The following STAG1 variants were observed in gnomAD, a reference collection of about 807,000 sequenced individuals.
STAG1 encodes cohesin subunit SA-1.
A neutral mutation model predicts 170.9 loss-of-function variants in STAG1; 26 were observed. The ratio of observed to expected loss-of-function variants is 0.15; its 90% CI spans 0.11 to 0.21. The LOEUF is 0.21. Among genes scored for constraint, STAG1 ranks in the 10% least tolerant of loss-of-function variants. STAG1 has a pLI of 1.00. For missense variants in STAG1, 964 were observed against 1,509.5 expected (o/e 0.64, Z 5.99); for synonymous variants, 514 against 497.7 (o/e 1.03, Z -0.44).
At chr3:136,490,902 A>G (rs549941678) in intron 9 of STAG1, among the ~76,000 whole-genome samples, 78 of 152,080 alleles carry the variant, frequency 5.1e-4, no homozygotes, top group Non-Finnish European at 9.4e-4. Context: ...TGTTGTTGTT[A>G]TTCTTTTACC....
chr3:136,639,763 A>G (rs1576701260), intron 1 of STAG1, among the ~76,000 whole-genome samples: 1 of 152,330 alleles, frequency 6.6e-6, no homozygotes, highest in East Asian at 1.9e-4. Flanking sequence ...CATTGGCACT[A>G]CCACAGCCAT....
intron 24 of STAG1, 49 bp from the exon 25 acceptor site, chr3:136,367,131 T>G (rs1300502514): frequency 2.8e-6 from 4 of 1,434,250 alleles, no homozygotes; most frequent in Non-Finnish European, 3.8e-6. Context: ...TTTATCCACG[T>G]AAAACAATGC....
At chr3:136,427,949 G>A (rs2088181512) in intron 16 of STAG1, among the ~76,000 whole-genome samples, 1 of 152,170 alleles carries the variant, frequency 6.6e-6, no homozygotes, top group Non-Finnish European at 1.5e-5. Context: ...AAAATGTCAA[G>A]AGAAGAGGAA....
intron 22 of STAG1, among the ~76,000 whole-genome samples, chr3:136,383,994 G>A (rs1355112535): frequency 6.7e-6 from 1 of 149,914 alleles, no homozygotes; most frequent in Non-Finnish European, 1.5e-5. Flanking sequence ...CAGTCACAGA[G>A]ATGTTAAGCA....
chr3:136,429,907 G>GAACTC, intron 16 of STAG1, among the ~76,000 whole-genome samples: 1 of 151,900 alleles, frequency 6.6e-6, no homozygotes, highest in Non-Finnish European at 1.5e-5. Context: ...TTCTCCTCTA[G>GAACTC]CTTAATTTAT....
In STAG1 at chr3:136,468,391, A is replaced by T. The variant is rs185212790; in HGVS notation, c.1206-3403T>A. ...ATACTATAAACACCTCTACGCAAATAAACTAGAAAATCTGGAAGAAATGGA... is the reference window on the plus strand; with the variant it reads ...ATACTATAAACACCTCTACGCAAATTAACTAGAAAATCTGGAAGAAATGGA... On this transcript the variant is annotated intron_variant, in intron 12 of 33. Transcript: ENST00000383202. Among the ~76,000 whole-genome samples, 800 of 152,328 alleles carry T rather than the reference A, an allele frequency of 5.3e-3. 4 individuals carry two copies. Among genetic ancestry groups the T allele is most frequent in the Non-Finnish European group, 8.0e-3 (541 of 68,030 alleles).
At chr3:136,742,294 C>A (rs538883358) in intron 1 of STAG1, among the ~76,000 whole-genome samples, 1 of 152,234 alleles carries the variant, frequency 6.6e-6, no homozygotes, top group South Asian at 2.1e-4. Context: ...CAAGATGGAC[C>A]ATATGCTGGC....
chr3:136,719,026 G>A (rs1007453317), intron 1 of STAG1, among the ~76,000 whole-genome samples: 5 of 152,134 alleles, frequency 3.3e-5, no homozygotes, highest in Admixed American at 3.3e-4. Context: ...TTTACTACAT[G>A]ACCGAGCAAT....
intron 12 of STAG1, among the ~76,000 whole-genome samples, chr3:136,469,286 T>C (rs1465480094): frequency 6.6e-6 from 1 of 152,272 alleles, no homozygotes; most frequent in South Asian, 2.1e-4. Flanking sequence ...TTCAGCAAAG[T>C]CTCAGGATAC....
intron 1 of STAG1, among the ~76,000 whole-genome samples, chr3:136,676,607 A>G (rs1252084885): frequency 6.6e-6 from 1 of 152,058 alleles, no homozygotes; most frequent in Non-Finnish European, 1.5e-5. Flanking sequence ...CACCATACCC[A>G]GCTAATTTTT....
At chr3:136,353,812 G>A (rs1468898021) in intron 28 of STAG1, among the ~76,000 whole-genome samples, 1 of 152,166 alleles carries the variant, frequency 6.6e-6, no homozygotes, top group Admixed American at 6.5e-5. Context: ...TGCCAGTAAA[G>A]GTAATTTGTA....
At chr3:136,647,185 G>C (rs946984885) in intron 1 of STAG1, among the ~76,000 whole-genome samples, 4 of 152,082 alleles carry the variant, frequency 2.6e-5, no homozygotes, top group South Asian at 2.1e-4. Context: ...TGAGGTAATG[G>C]TGTTCAATAT....
intron 1 of STAG1, among the ~76,000 whole-genome samples, chr3:136,694,553 C>A (rs1185893168): frequency 6.6e-6 from 1 of 150,756 alleles, no homozygotes. Flanking sequence ...GAGGTTGGGG[C>A]TATAGTGAGC....
At chr3:136,551,858 G>GT (rs1272189313) in intron 5 of STAG1, among the ~76,000 whole-genome samples, 1 of 152,098 alleles carries the variant, frequency 6.6e-6, no homozygotes, top group Middle Eastern at 3.2e-3. Context: ...GCCTCCCAAA[G>GT]TGTTGGGATT....
At chr3:136,410,427 C>G (rs2087594733) in intron 21 of STAG1, among the ~76,000 whole-genome samples, 1 of 151,780 alleles carries the variant, frequency 6.6e-6, no homozygotes, top group African/African-American at 2.4e-5. Flanking sequence ...TGCCCTAAGA[C>G]CAACATCAGA....
intron 3 of STAG1, among the ~76,000 whole-genome samples, chr3:136,613,455 C>G (rs2107819362): frequency 6.6e-6 from 1 of 151,940 alleles, no homozygotes; most frequent in South Asian, 2.1e-4. Flanking sequence ...ATTTGCAGTT[C>G]CCAAATGACA....
chr3:136,737,475 T>G (rs1934407336), intron 1 of STAG1, among the ~76,000 whole-genome samples: 1 of 152,162 alleles, frequency 6.6e-6, no homozygotes, highest in Non-Finnish European at 1.5e-5. Flanking sequence ...TGACCTCATG[T>G]GATCCTCCCG....
At chr3:136,748,723 T>A (rs112622863) in intron 1 of STAG1, among the ~76,000 whole-genome samples, 7 of 152,298 alleles carry the variant, frequency 4.6e-5, no homozygotes, top group African/African-American at 1.4e-4. Context: ...TTTTTTTAAA[T>A]TTTTTAAAAA....
chr3:136,476,021 G>C (rs1347849279), intron 10 of STAG1, among the ~76,000 whole-genome samples: 19 of 152,194 alleles, frequency 1.2e-4, no homozygotes, highest in Admixed American at 1.2e-3. Context: ...TATGAAAAAA[G>C]TGAAGTCTAA....
Sources: allele counts gnomAD v4.1 joint callset (sites outside exome capture counted in the v4.1 genomes callset), GRCh38; gene constraint gnomAD v4.1.1; transcripts MANE v1.5; gene names NCBI Gene and HGNC (gene_info 2026-07-23, HGNC 2026-07-21).